The following CPNE4 variants were observed in gnomAD, a reference collection of about 807,000 sequenced individuals.
CPNE4 encodes copine-4.
In CPNE4, 25 loss-of-function variants were observed where a neutral mutation model predicts 67.9. The observed-to-expected ratio is 0.37, with a 90% confidence interval of 0.27 to 0.51. The LOEUF (loss-of-function observed/expected upper bound fraction) is 0.51. CPNE4 is among the 20% of genes least tolerant of loss of function. The pLI is 0.93. For missense variants in CPNE4, 464 were observed against 690.8 expected (o/e 0.67, Z 3.68); for synonymous variants, 242 against 244.9 (o/e 0.99, Z 0.11).
At chr3:131,701,258 GAACC>G (rs1286456942) in intron 3 of CPNE4, among the ~76,000 whole-genome samples, 1 of 151,540 alleles carries the variant, frequency 6.6e-6, no homozygotes, top group African/African-American at 2.4e-5. Flanking sequence ...AAAAAAAAAA[GAACC>G]AAGTTGAAGC....
chr3:131,792,925 G>GTGTGTGTGTATATCTATA (rs58502463), intron 2 of CPNE4, among the ~76,000 whole-genome samples: 1,739 of 135,186 alleles, frequency 0.013, 36 homozygotes, highest in East Asian at 0.062. Context: ...GTGTGTGTGT[G>GTGTGTGTGTATATCTATA]TATCTCCAAC....
intron 15 of CPNE4, among the ~76,000 whole-genome samples, chr3:131,538,109 C>T (rs1935267389): frequency 6.6e-6 from 1 of 152,228 alleles, no homozygotes; most frequent in Admixed American, 6.5e-5. Flanking sequence ...TATGTAATCC[C>T]TGTAAGATGG....
At chr3:131,614,449 T>C (rs563426370) in intron 7 of CPNE4, among the ~76,000 whole-genome samples, 2 of 152,308 alleles carry the variant, frequency 1.3e-5, no homozygotes, top group South Asian at 4.1e-4. Context: ...TGTGCATCCT[T>C]ATTGGACATG....
At chr3:132,018,120 T>C (rs1320582232) in intron 1 of CPNE4, among the ~76,000 whole-genome samples, 1 of 152,166 alleles carries the variant, frequency 6.6e-6, no homozygotes, top group Non-Finnish European at 1.5e-5. Flanking sequence ...CCCTTTTCCC[T>C]CTAACAGAAA....
intron 7 of CPNE4, among the ~76,000 whole-genome samples, chr3:131,624,715 G>A (rs1023962998): frequency 2.0e-5 from 3 of 152,064 alleles, no homozygotes; most frequent in African/African-American, 7.2e-5. Context: ...AATTTTTCAG[G>A]AGGCAAACAT....
intron 1 of CPNE4, among the ~76,000 whole-genome samples, chr3:131,990,954 G>T (rs2073162091): frequency 7.3e-6 from 1 of 136,148 alleles, no homozygotes; most frequent in Admixed American, 8.3e-5. Context: ...TCCCCCCTTT[G>T]TTCAGCACTT....
chr3:131,946,824 C>A (rs2071564932), intron 1 of CPNE4, among the ~76,000 whole-genome samples: 1 of 152,036 alleles, frequency 6.6e-6, no homozygotes, highest in African/African-American at 2.4e-5. Flanking sequence ...ACTTTTATGG[C>A]TTTAGCTCTT....
In CPNE4 at chr3:131,697,629, T is replaced by C. The variant is rs567402221; in HGVS notation, c.433-1013A>G. Among the ~76,000 whole-genome samples the C allele has an allele frequency of 1.1e-4, 16 of 152,110 alleles. No individual in the cohort carries two copies. The South Asian group carries it at 3.1e-3, about 30-fold the overall frequency. On this transcript the variant is annotated intron_variant, in intron 4 of 15. Transcript: ENST00000429747. ...CCAAAAATGTGTGAACAACTGAGAG[T>C]AGAGATTGTGAGTCCAGGTATATAG...
rs59277847 is a variant in CPNE4 at position 131,942,463 on chromosome 3, T to TGAGAGA, written c.-1-37025_-1-37020dup. 1.6e-3 allele frequency among the ~76,000 whole-genome samples: 111 copies of TGAGAGA among 70,734 alleles called. 2 individuals carry two copies. Among genetic ancestry groups the TGAGAGA allele is most frequent in the South Asian group, 3.1e-3 (5 of 1,628 alleles). 46.4% of individuals were successfully genotyped at this position (70,734 alleles called of 152,430 possible). Reference sequence around the variant, plus strand: ...GTGTGTGTGTGTGTGTGTGTGTGTGTGAGAGAGAGAGAGAGAGAGAGAGAG... The same window carrying TGAGAGA: ...GTGTGTGTGTGTGTGTGTGTGTGTGTGAGAGAGAGAGAGAGAGAGAGAGAGAGAGAG... On this transcript the variant is annotated intron_variant, in intron 1 of 15. Coordinates refer to ENST00000429747, the MANE Select transcript of CPNE4 (RefSeq NM_130808.3).
intron 4 of CPNE4, among the ~76,000 whole-genome samples, chr3:131,697,689 TATC>T (rs968988130): frequency 2.0e-5 from 3 of 152,180 alleles, no homozygotes; most frequent in African/African-American, 7.2e-5. Context: ...ACCCAAGAAC[TATC>T]ATATTTGTAT....
chr3:131,630,851 G>A (rs2079202737), intron 7 of CPNE4, among the ~76,000 whole-genome samples: 2 of 152,172 alleles, frequency 1.3e-5, no homozygotes, highest in Non-Finnish European at 2.9e-5. Flanking sequence ...TGTAGAGATA[G>A]GGAGATAAAA....
chr3:132,027,030 G>T (rs945840010), intron 1 of CPNE4, among the ~76,000 whole-genome samples: 2 of 152,214 alleles, frequency 1.3e-5, no homozygotes, highest in African/African-American at 4.8e-5. Flanking sequence ...GCAACCCTGT[G>T]ATTTCTTGGC....
chr3:131,862,417 C>T (rs969823237), intron 2 of CPNE4, among the ~76,000 whole-genome samples: 3 of 152,076 alleles, frequency 2.0e-5, no homozygotes, highest in African/African-American at 4.8e-5. Flanking sequence ...AGCTCAATAC[C>T]TCATCTTCTA....
chr3:131,947,923 G>A (rs576697027), intron 1 of CPNE4, among the ~76,000 whole-genome samples: 1 of 152,082 alleles, frequency 6.6e-6, no homozygotes, highest in African/African-American at 2.4e-5. Context: ...CTGTGAAAAA[G>A]GTCATTGAAA....
rs560827357 is a variant in CPNE4 at position 131,655,653 on chromosome 3, G to C, written c.681+14022C>G. Among the ~76,000 whole-genome samples, 3 of 152,198 alleles carry C rather than the reference G, an allele frequency of 2.0e-5. No homozygotes were observed. In the South Asian group the frequency reaches 6.3e-4, roughly 32 times the overall value. ...CCACAGGAAATGAAACCGACGTCGG[G>C]GGGCAGGGGGGTGGAGACAAGTAGG... On this transcript the variant is annotated intron_variant, in intron 7 of 15. Transcript: ENST00000429747.
chr3:131,540,459 C>G (rs1467855339), intron 15 of CPNE4, among the ~76,000 whole-genome samples: 2 of 152,182 alleles, frequency 1.3e-5, no homozygotes, highest in African/African-American at 4.8e-5. Flanking sequence ...CAACAAACAG[C>G]AATTTCTGAA....
At chr3:131,955,252 G>C (rs987016278) in intron 1 of CPNE4, among the ~76,000 whole-genome samples, 19 of 151,708 alleles carry the variant, frequency 1.3e-4, no homozygotes, top group African/African-American at 4.6e-4. Flanking sequence ...ATTTGTCATA[G>C]CTTTTGGATT....
chr3:131,793,086 C>T (rs1394357259), intron 2 of CPNE4, among the ~76,000 whole-genome samples: 1 of 151,996 alleles, frequency 6.6e-6, no homozygotes, highest in Non-Finnish European at 1.5e-5. Flanking sequence ...TTTTCCCATA[C>T]CCCAAAATCT....
At chr3:131,631,935 G>A (rs962143053) in intron 7 of CPNE4, among the ~76,000 whole-genome samples, 1 of 144,228 alleles carries the variant, frequency 6.9e-6, no homozygotes, top group Non-Finnish European at 1.5e-5. Flanking sequence ...TCACTCTGTC[G>A]CCCAGGCTGG....
Sources: gnomAD v4.1 joint callset for allele counts (sites outside exome capture counted in the v4.1 genomes callset) on GRCh38, gnomAD v4.1.1 for gene constraint, MANE v1.5 for transcripts, NCBI Gene and HGNC (gene_info 2026-07-23, HGNC 2026-07-21) for gene names.